ZNF516: variants seen among roughly 807,000 people sequenced by gnomAD.
ZNF516 encodes zinc finger protein 516.
In ZNF516, 19 loss-of-function variants were observed where a neutral mutation model predicts 79.7. The ratio of observed to expected loss-of-function variants is 0.24; its 90% CI spans 0.17 to 0.35. The LOEUF (loss-of-function observed/expected upper bound fraction) is 0.35. Ranked by LOEUF, ZNF516 falls within the 10% of genes least tolerant of loss-of-function variation. The probability of loss-of-function intolerance (pLI) is 1.00; values close to 1 mark genes in which losing one functional copy is unlikely to be tolerated. For synonymous variants in ZNF516, 877 were observed against 739.5 expected, an observed-to-expected ratio of 1.19 and a Z score of -3.02; for missense variants, 1,678 against 1,679.5, an observed-to-expected ratio of 1.00 and a Z score of 0.02.
At chr18:76,482,372 TA>T (rs1255160254) in intron 1 of ZNF516, among the ~76,000 whole-genome samples, 2 of 152,216 alleles carry the variant, frequency 1.3e-5, no homozygotes, top group Non-Finnish European at 2.9e-5. Context: ...AAGTTTGACT[TA>T]CACTTTTTCA....
intron 3 of ZNF516, chr18:76,388,330 A>C (rs997611321): frequency 6.6e-6 from 1 of 152,220 alleles, no homozygotes; most frequent in Non-Finnish European, 1.5e-5. Flanking sequence ...GCAACTGCTA[A>C]AACAGCATTA....
In ZNF516 at chr18:76,379,196, G is replaced by A. The variant is rs772404786; in HGVS notation, c.2918C>T (p.Ser973Phe). The A allele has an allele frequency of 1.2e-6, 2 of 1,612,914 alleles. No individual in the cohort carries two copies. Among genetic ancestry groups the A allele is most frequent in the Non-Finnish European group, 1.7e-6 (2 of 1,179,766 alleles). The change falls in exon 4 of 7, where the codon TCC (serine) becomes TTC (phenylalanine). Residue 973 changes from serine (S) to phenylalanine (F), a missense_variant. Around this residue, in one of 5 missense-constraint regions of ZNF516, gnomAD observed 1,294 missense variants for 1,248.3 expected, o/e 1.04. Coordinates refer to ENST00000443185, the MANE Select transcript of ZNF516 (RefSeq NM_014643.4). ...CTGAGCACTGAATTTGGCTTTCAGG[G>A]AGTCCGGGGCACTGTGCTTATTTGT... is the stretch of plus-strand genomic sequence containing the variant. Reference protein sequence around the residue: ...APTNKHSAPDSLKAKFSAQPQ... With the variant: ...APTNKHSAPDFLKAKFSAQPQ...
intron 3 of ZNF516, among the ~76,000 whole-genome samples, chr18:76,411,769 G>A (rs1421933876): frequency 6.6e-6 from 1 of 152,142 alleles, no homozygotes; most frequent in Non-Finnish European, 1.5e-5. Context: ...AAATGAGGAG[G>A]TGGATGGGAC....
intron 1 of ZNF516, chr18:76,492,180 G>A: frequency 1.0e-6 from 1 of 985,392 alleles, no homozygotes; most frequent in South Asian, 4.7e-5. Flanking sequence ...GTACAGAAGC[G>A]CAGCAACCCC....
At chr18:76,428,158 G>C (rs189614989) in intron 3 of ZNF516, among the ~76,000 whole-genome samples, 1 of 152,120 alleles carries the variant, frequency 6.6e-6, no homozygotes, top group African/African-American at 2.4e-5. Context: ...AGGCCAAGGC[G>C]GGGGATCACC....
At chr18:76,483,650 G>A (rs751320051) in intron 1 of ZNF516, among the ~76,000 whole-genome samples, 3 of 152,132 alleles carry the variant, frequency 2.0e-5, no homozygotes, top group Non-Finnish European at 4.4e-5. Flanking sequence ...GGTCTTCTCC[G>A]ACCCCTTTCC....
upstream of ZNF516, chr18:76,495,736 G>A (rs1037219288): frequency 6.0e-6 from 7 of 1,175,824 alleles, no homozygotes; most frequent in African/African-American, 1.7e-5. Context: ...GGGTACCTGG[G>A]CACTGCGCCC....
intron 3 of ZNF516, among the ~76,000 whole-genome samples, chr18:76,410,809 T>A (rs1365848581): frequency 6.6e-6 from 1 of 152,108 alleles, no homozygotes; most frequent in Non-Finnish European, 1.5e-5. Flanking sequence ...GCAACACACA[T>A]CCAATCAGCA....
chr18:76,398,639 G>C (rs1378329944), intron 3 of ZNF516, among the ~76,000 whole-genome samples: 1 of 152,136 alleles, frequency 6.6e-6, no homozygotes, highest in East Asian at 1.9e-4. Context: ...AAGGAATGGG[G>C]GCCTGGAATC....
chr18:76,385,581 T>C (rs1326688833), intron 3 of ZNF516: 2 of 152,222 alleles, frequency 1.3e-5, no homozygotes, highest in African/African-American at 4.8e-5. Context: ...ATGTTTTCGG[T>C]TTTCCATGGG....
chr18:76,440,547 TAGG>T (rs1483391891), intron 3 of ZNF516, among the ~76,000 whole-genome samples: 9 of 152,122 alleles, frequency 5.9e-5, no homozygotes, highest in Admixed American at 4.6e-4. Context: ...TTATAGAAAG[TAGG>T]AGAATTATGA....
At chr18:76,444,654 A>T (rs887659856) in intron 2 of ZNF516, among the ~76,000 whole-genome samples, 2 of 152,226 alleles carry the variant, frequency 1.3e-5, no homozygotes, top group Admixed American at 1.3e-4. Flanking sequence ...CAGATGGGAC[A>T]CAGAAAAGAA....
intron 1 of ZNF516, among the ~76,000 whole-genome samples, chr18:76,472,040 C>A (rs1005892241): frequency 2.0e-5 from 3 of 152,224 alleles, no homozygotes; most frequent in African/African-American, 7.2e-5. Context: ...TCACGGCACT[C>A]TGCTCCAGTT....
intron 1 of ZNF516, chr18:76,490,191 C>T: frequency 1.0e-6 from 1 of 985,360 alleles, no homozygotes; most frequent in Non-Finnish European, 1.2e-6. Context: ...GGGGGTCACT[C>T]CTGTGAAATT....
chr18:76,437,366 C>T (rs2075757134), intron 3 of ZNF516, among the ~76,000 whole-genome samples: 1 of 152,004 alleles, frequency 6.6e-6, no homozygotes. Flanking sequence ...AGGCAGCCAG[C>T]GAGGGGACGG....
Position 76,379,587 on chromosome 18 carries a change from C to A in ZNF516, c.2527G>T (p.Gly843Trp). The A allele has an allele frequency of 2.5e-6, 4 of 1,613,672 alleles. No homozygotes were observed. Among genetic ancestry groups the A allele is most frequent in the Non-Finnish European group, 3.4e-6 (4 of 1,179,898 alleles). The change falls in exon 4 of 7, where the codon GGG becomes TGG. Residue 843 changes from glycine to tryptophan, a missense_variant. This residue lies in a region of ZNF516 where 1,294 missense variants were observed against 1,248.3 expected (regional missense o/e 1.04). Coordinates refer to ENST00000443185, the MANE Select transcript of ZNF516 (RefSeq NM_014643.4). ...GAGCCACTTTTGGACCCCGGCATCC[C>A]CCCTGGCACCTGAGTGCGGGTGAAC... ...ARFTRTQVPG[G>W]MPGSKSGSSP...
intron 6 of ZNF516, 49 bp from the exon 7 acceptor site, chr18:76,362,606 T>C: frequency 6.4e-7 from 1 of 1,552,496 alleles, no homozygotes. Flanking sequence ...TTCTGCCTTT[T>C]GGTTTCTAAA....
At chr18:76,413,796 T>C (rs2075399805) in intron 3 of ZNF516, among the ~76,000 whole-genome samples, 2 of 152,212 alleles carry the variant, frequency 1.3e-5, no homozygotes. Context: ...GCCAATAATA[T>C]TGGTGAACAA....
intron 6 of ZNF516, among the ~76,000 whole-genome samples, chr18:76,365,575 G>T (rs945025488): frequency 2.0e-5 from 3 of 152,214 alleles, no homozygotes; most frequent in African/African-American, 7.2e-5. Flanking sequence ...TTATTCAGTT[G>T]TGCTAAATGG....
Sources: allele counts gnomAD v4.1 joint callset (sites outside exome capture counted in the v4.1 genomes callset), GRCh38; gene constraint gnomAD v4.1.1; regional missense constraint gnomAD v4.1.1; transcripts MANE v1.5; gene names NCBI Gene and HGNC (gene_info 2026-07-23, HGNC 2026-07-21).